OR51B5: variants seen among roughly 807,000 people sequenced by gnomAD.
OR51B5 encodes olfactory receptor family 51 subfamily B member 5.
For synonymous variants in OR51B5, 186 were observed against 144.8 expected, an observed-to-expected ratio of 1.28 and a Z score of -2.04; for missense variants, 456 against 374.6, an observed-to-expected ratio of 1.22 and a Z score of -1.79.
Position 5,355,792 on chromosome 11 carries a change from G to A in OR51B5, n.85-8882C>T, listed in dbSNP as rs115369469. ...AAAAAAAAAAGAGTAGGGTCAAGGG[G>A]TATAGGGTAGCAAAATTTTCTTAAA... On this transcript the variant is annotated intron_variant and non_coding_transcript_variant, in intron 1 of 4. Transcript: ENST00000415970. Among the ~76,000 whole-genome samples the A allele has an allele frequency of 4.5e-3, 683 of 151,720 alleles. 3 individuals are homozygous for A. The highest frequency in any genetic ancestry group is 0.016 in the African/African-American group (645 of 41,334).
intron 1 of OR51B5, among the ~76,000 whole-genome samples, chr11:5,470,397 G>A (rs1851210313): frequency 6.6e-6 from 1 of 152,080 alleles, no homozygotes; most frequent in Admixed American, 6.5e-5. Flanking sequence ...CATTTCTTCT[G>A]AGTAATCACC....
chr11:5,492,374 T>C lies in OR51B5; in HGVS notation n.84+13195A>G, dbSNP rs190442766. ...CATCTCACTCCATGTTATTTGACTT[T>C]ATTGTGATGTGCTAACAATGGTTCT... On this transcript the variant is annotated intron_variant and non_coding_transcript_variant, in intron 1 of 4. Coordinates refer to the OR51B5 transcript ENST00000415970. Among the ~76,000 whole-genome samples the C allele has an allele frequency of 1.2e-3, 183 of 152,316 alleles. 1 individual carries two copies. The highest frequency in any genetic ancestry group is 3.8e-4 in the Non-Finnish European group (26 of 68,028).
intron 1 of OR51B5, among the ~76,000 whole-genome samples, chr11:5,445,563 T>A (rs917581053): frequency 1.3e-5 from 2 of 151,898 alleles, no homozygotes; most frequent in Non-Finnish European, 2.9e-5. Flanking sequence ...TACAGACCAA[T>A]AAAGACGCAG....
At chr11:5,413,156 G>C (rs187698531) in intron 1 of OR51B5, among the ~76,000 whole-genome samples, 327 of 152,330 alleles carry the variant, frequency 2.1e-3, no homozygotes, top group Non-Finnish European at 3.6e-3. Context: ...AGACACTGCT[G>C]CTGATACCCA....
intron 1 of OR51B5, among the ~76,000 whole-genome samples, chr11:5,396,886 C>T (rs1849881051): frequency 6.6e-6 from 1 of 152,282 alleles, no homozygotes; most frequent in African/African-American, 2.4e-5. Flanking sequence ...ACAGAGCCCT[C>T]AGAAATAATG....
At chr11:5,451,762 G>A (rs971430536) in intron 1 of OR51B5, among the ~76,000 whole-genome samples, 1 of 152,132 alleles carries the variant, frequency 6.6e-6, no homozygotes, top group Non-Finnish European at 1.5e-5. Flanking sequence ...TTTGTTAGAG[G>A]TTGGAGAGGA....
At chr11:5,481,511 C>T (rs1390151234) in intron 1 of OR51B5, among the ~76,000 whole-genome samples, 2 of 144,190 alleles carry the variant, frequency 1.4e-5, no homozygotes, top group East Asian at 4.1e-4. Flanking sequence ...CTGGCCAGGG[C>T]AATTAGGCAG....
At chr11:5,413,270 C>T (rs1257801036) in intron 1 of OR51B5, among the ~76,000 whole-genome samples, 1 of 151,988 alleles carries the variant, frequency 6.6e-6, no homozygotes, top group East Asian at 1.9e-4. Context: ...GACATCCACA[C>T]CAAAAACCCA....
At chr11:5,489,525 C>G (rs1171953130) in intron 1 of OR51B5, 4 of 1,614,060 alleles carry the variant, frequency 2.5e-6, no homozygotes, top group Non-Finnish European at 3.4e-6. Context: ...ACGAAGTCCC[C>G]AAGCATGTGC....
At position 5,462,132 on chromosome 11, in the gene OR51B5, T is replaced by C. The variant is rs189508394; in HGVS notation, n.84+43437A>G. Among the ~76,000 whole-genome samples, 15 of 152,308 alleles carry C rather than the reference T, an allele frequency of 9.8e-5. No homozygotes were observed. The East Asian group carries it at 2.9e-3, about 29-fold the overall frequency. On this transcript the variant is annotated intron_variant and non_coding_transcript_variant, in intron 1 of 4. Coordinates refer to the OR51B5 transcript ENST00000415970. ...ATATGTGAATAATAAAGTAATGCTTTTGTCTTGCCCTGTCATGGGTATGTT... is the reference window on the plus strand; with the variant it reads ...ATATGTGAATAATAAAGTAATGCTTCTGTCTTGCCCTGTCATGGGTATGTT...
chr11:5,480,410 G>A (rs1401656285), intron 1 of OR51B5, among the ~76,000 whole-genome samples: 2 of 151,846 alleles, frequency 1.3e-5, no homozygotes, highest in Non-Finnish European at 2.9e-5. Flanking sequence ...AAGCAGGAAA[G>A]ATCCAAAATT....
chr11:5,374,101 C>A (rs1014648044), intron 1 of OR51B5, among the ~76,000 whole-genome samples: 22 of 152,148 alleles, frequency 1.4e-4, no homozygotes, highest in Admixed American at 1.3e-3. Flanking sequence ...CAGACTGACA[C>A]CTCACACGGC....
chr11:5,389,442 C>G (rs764750625), intron 1 of OR51B5: 2 of 1,613,902 alleles, frequency 1.2e-6, no homozygotes, highest in Non-Finnish European at 1.7e-6. Flanking sequence ...ATGCTGCTAT[C>G]CAACATTACT....
intron 1 of OR51B5, among the ~76,000 whole-genome samples, chr11:5,471,437 A>G (rs1414777566): frequency 2.0e-5 from 3 of 152,052 alleles, no homozygotes; most frequent in African/African-American, 7.2e-5. Context: ...GGAGTTTGAG[A>G]CCAGCCTGGA....
At chr11:5,415,119 A>T (rs1447715786) in intron 1 of OR51B5, among the ~76,000 whole-genome samples, 1 of 152,096 alleles carries the variant, frequency 6.6e-6, no homozygotes, top group Non-Finnish European at 1.5e-5. Flanking sequence ...GCATTAAGAA[A>T]CTCACTCAAA....
intron 1 of OR51B5, among the ~76,000 whole-genome samples, chr11:5,504,283 G>A (rs1352373639): frequency 6.6e-6 from 1 of 152,068 alleles, no homozygotes; most frequent in African/African-American, 2.4e-5. Flanking sequence ...TACTTTCCTA[G>A]CTAATTGTTA....
chr11:5,440,557 C>A (rs373529336), intron 1 of OR51B5: 3 of 1,598,700 alleles, frequency 1.9e-6, no homozygotes, highest in African/African-American at 1.3e-5. Context: ...GCTTTTGGGG[C>A]CTTCAGCCTT....
chr11:5,423,551 A>G (rs1031804291), intron 1 of OR51B5, among the ~76,000 whole-genome samples: 4 of 152,200 alleles, frequency 2.6e-5, no homozygotes, highest in African/African-American at 9.6e-5. Context: ...CCATTTAGGC[A>G]TTTAGGTAAA....
intron 1 of OR51B5, among the ~76,000 whole-genome samples, chr11:5,397,369 C>A (rs1418538187): frequency 1.2e-4 from 18 of 152,034 alleles, no homozygotes; most frequent in Admixed American, 7.2e-4. Context: ...AGAAAAAAAA[C>A]CCCATCAAAA....
Sources: allele counts gnomAD v4.1 joint callset (sites outside exome capture counted in the v4.1 genomes callset), GRCh38; gene constraint gnomAD v4.1.1; transcripts MANE v1.5; gene names NCBI Gene and HGNC (gene_info 2026-07-23, HGNC 2026-07-21).